Variants in GALNTL6 observed in about 807,000 individuals in gnomAD.
GALNTL6 encodes the protein polypeptide N-acetylgalactosaminyltransferase like 6.
In GALNTL6, 46 loss-of-function variants were observed where a neutral mutation model predicts 73.7. The observed-to-expected ratio is 0.62, with a 90% CI of 0.49 to 0.80. The LOEUF (loss-of-function observed/expected upper bound fraction) is 0.80, where lower values mean the gene tolerates loss of function less well. Among genes scored for constraint, GALNTL6 ranks in the 30% least tolerant of loss-of-function variants. The pLI is 0.00. For missense variants in GALNTL6, 604 were observed against 755.0 expected, an observed-to-expected ratio of 0.80 and a Z score of 2.34; for synonymous variants, 259 against 263.7, an observed-to-expected ratio of 0.98 and a Z score of 0.17.
chr4:172,701,862 G>A (rs1734050153), intron 5 of GALNTL6, among the ~76,000 whole-genome samples: 2 of 151,900 alleles, frequency 1.3e-5, no homozygotes, highest in South Asian at 4.2e-4. Context: ...GAATAAAAGA[G>A]AGCCATGCAT....
At chr4:172,081,140 T>C (rs1233254070) in intron 2 of GALNTL6, among the ~76,000 whole-genome samples, 1 of 152,176 alleles carries the variant, frequency 6.6e-6, no homozygotes, top group African/African-American at 2.4e-5. Context: ...AAAATAGATA[T>C]ATAGACATCA....
chr4:171,834,247 G>T (rs551116561), intron 2 of GALNTL6, among the ~76,000 whole-genome samples: 18 of 151,992 alleles, frequency 1.2e-4, no homozygotes, highest in African/African-American at 3.1e-4. Flanking sequence ...ACTTCAAAAT[G>T]GATAAAATAA....
At chr4:172,417,688 G>T (rs559760629) in intron 5 of GALNTL6, among the ~76,000 whole-genome samples, 1 of 152,128 alleles carries the variant, frequency 6.6e-6, no homozygotes, top group East Asian at 1.9e-4. Context: ...AATTGAAAAA[G>T]ATATTGCGAT....
Position 172,561,067 on chromosome 4 carries a change from C to A in GALNTL6, c.553+212378C>A, listed in dbSNP as rs1409856616. Among the ~76,000 whole-genome samples, 3 of 151,494 alleles carry A rather than the reference C, an allele frequency of 2.0e-5. No homozygotes were observed. In the East Asian group the frequency reaches 5.8e-4, roughly 29 times the overall value. ...AGGAGATCGAGACCATCCTGGCTAA[C>A]AAGGTGAAACCCCATCTCTACTAAA... On this transcript the variant is annotated intron_variant, in intron 5 of 12. Coordinates refer to ENST00000506823, the MANE Select transcript of GALNTL6 (RefSeq NM_001034845.3).
chr4:172,843,393 G>A (rs1048089267), intron 7 of GALNTL6, among the ~76,000 whole-genome samples: 1 of 152,054 alleles, frequency 6.6e-6, no homozygotes, highest in African/African-American at 2.4e-5. Context: ...TCTCATGATC[G>A]ACCCCTAATG....
rs530521119 is a variant in GALNTL6 at position 173,038,070 on chromosome 4, A to G, written c.1639-1863A>G. Reference sequence around the variant, plus strand: ...ACATGAGCTATTGATAAAGGTAACAACAGGAAAAAATACAGATAGTGAAGA... The same window carrying G: ...ACATGAGCTATTGATAAAGGTAACAGCAGGAAAAAATACAGATAGTGAAGA... On this transcript the variant is annotated intron_variant, in intron 12 of 12. Coordinates refer to ENST00000506823, the MANE Select transcript of GALNTL6 (RefSeq NM_001034845.3). Among the ~76,000 whole-genome samples, 3 of 152,330 alleles carry G rather than the reference A, an allele frequency of 2.0e-5. No individual in the cohort carries two copies. The South Asian group carries it at 6.2e-4, about 32-fold the overall frequency.
At chr4:172,304,259 T>C (rs1006542721) in intron 3 of GALNTL6, among the ~76,000 whole-genome samples, 16 of 152,186 alleles carry the variant, frequency 1.1e-4, no homozygotes, top group African/African-American at 3.9e-4. Context: ...ATGGCACTCA[T>C]AAAATATGTG....
At chr4:172,622,376 GA>G (rs1284821798) in intron 5 of GALNTL6, among the ~76,000 whole-genome samples, 1 of 151,802 alleles carries the variant, frequency 6.6e-6, no homozygotes, top group African/African-American at 2.4e-5. Context: ...ACAAGGAACA[GA>G]AAAAAATTAT....
chr4:172,931,577 A>G (rs1011374032), intron 9 of GALNTL6, among the ~76,000 whole-genome samples: 5 of 152,200 alleles, frequency 3.3e-5, no homozygotes, highest in Non-Finnish European at 5.9e-5. Flanking sequence ...TCATGCTCAC[A>G]TGAATGCCAA....
At chr4:172,269,954 A>T (rs1042354101) in intron 3 of GALNTL6, among the ~76,000 whole-genome samples, 1 of 152,020 alleles carries the variant, frequency 6.6e-6, no homozygotes, top group Non-Finnish European at 1.5e-5. Flanking sequence ...CGGTTTCGCC[A>T]TGTTGGCCAG....
intron 5 of GALNTL6, among the ~76,000 whole-genome samples, chr4:172,684,127 G>A (rs1732787624): frequency 6.6e-6 from 1 of 152,118 alleles, no homozygotes; most frequent in South Asian, 2.1e-4. Flanking sequence ...TATCTCAATG[G>A]CTTAACACCA....
At chr4:172,026,027 T>C (rs1741561736) in intron 2 of GALNTL6, among the ~76,000 whole-genome samples, 2 of 152,038 alleles carry the variant, frequency 1.3e-5, no homozygotes, top group African/African-American at 4.8e-5. Context: ...ATTTAAATAA[T>C]ATTAAAAAGG....
rs1416432566 is a variant in GALNTL6 at position 171,906,015 on chromosome 4, G to A, written c.138+91297G>A. ...AGCAGTGTGTAGAGGGAAATTTATA[G>A]CACTAAATGCCCACAAGAGAAAGCA... On this transcript the variant is annotated intron_variant, in intron 2 of 12. Transcript: ENST00000506823. Among the ~76,000 whole-genome samples, 11 of 151,958 alleles carry A rather than the reference G, an allele frequency of 7.2e-5. No homozygotes were observed. The South Asian group carries it at 1.2e-3, about 17-fold the overall frequency.
At chr4:172,250,270 G>A (rs944633703) in intron 3 of GALNTL6, among the ~76,000 whole-genome samples, 2 of 152,132 alleles carry the variant, frequency 1.3e-5, no homozygotes, top group Non-Finnish European at 2.9e-5. Flanking sequence ...CCCAATGGCT[G>A]TATCCCCATT....
At chr4:172,081,065 A>G (rs1258070568) in intron 2 of GALNTL6, among the ~76,000 whole-genome samples, 2 of 152,206 alleles carry the variant, frequency 1.3e-5, no homozygotes, top group Non-Finnish European at 2.9e-5. Context: ...TTTTGAATGT[A>G]CTATGTTTAA....
At position 173,017,173 on chromosome 4, in the gene GALNTL6, T is replaced by A. The variant is rs145644346; in HGVS notation, c.1489-4303T>A. Among the ~76,000 whole-genome samples, 310 of 152,348 alleles carry A rather than the reference T, an allele frequency of 2.0e-3. 1 individual carries two copies. The highest frequency in any genetic ancestry group is 7.1e-3 in the African/African-American group (297 of 41,582). On this transcript the variant is annotated intron_variant, in intron 11 of 12. Transcript: ENST00000506823. Reference sequence around the variant, plus strand: ...TTTATAAATTACCCAGTCTTGGGTATGTCTTTATTAGCAGCATGAGAATGG... The same window carrying A: ...TTTATAAATTACCCAGTCTTGGGTAAGTCTTTATTAGCAGCATGAGAATGG...
chr4:172,974,372 A>G (rs1750717434), intron 10 of GALNTL6, among the ~76,000 whole-genome samples: 2 of 152,146 alleles, frequency 1.3e-5, no homozygotes, highest in South Asian at 4.1e-4. Flanking sequence ...ACTGATTATT[A>G]GTTACCTAGA....
intron 10 of GALNTL6, among the ~76,000 whole-genome samples, chr4:173,001,739 A>C (rs1366663361): frequency 6.6e-6 from 1 of 152,254 alleles, no homozygotes; most frequent in Non-Finnish European, 1.5e-5. Flanking sequence ...CAAACTATAC[A>C]AATGCTCAAT....
intron 4 of GALNTL6, among the ~76,000 whole-genome samples, chr4:172,336,521 C>T (rs914414667): frequency 9.2e-5 from 14 of 151,734 alleles, no homozygotes; most frequent in Admixed American, 7.9e-4. Flanking sequence ...AGGATCCGCC[C>T]ACCTCGGCCT....
Sources: gnomAD v4.1 joint callset for allele counts (sites outside exome capture counted in the v4.1 genomes callset) on GRCh38, gnomAD v4.1.1 for gene constraint, MANE v1.5 for transcripts, NCBI Gene and HGNC (gene_info 2026-07-23, HGNC 2026-07-21) for gene names.